Variants in GSG1L observed in about 807,000 individuals in gnomAD.
The protein encoded by GSG1L is germ cell-specific gene 1-like protein.
A neutral mutation model predicts 42.1 loss-of-function variants in GSG1L; 24 were observed. The ratio of observed to expected loss-of-function variants is 0.57; its 90% CI spans 0.41 to 0.80. The LOEUF (loss-of-function observed/expected upper bound fraction) is 0.80. Among genes scored for constraint, GSG1L ranks in the 30% least tolerant of loss-of-function variants. The probability of loss-of-function intolerance (pLI) is 0.00; values close to 1 mark genes in which losing one functional copy is unlikely to be tolerated. For missense variants in GSG1L, 445 were observed against 472.2 expected, an observed-to-expected ratio of 0.94 and a Z score of 0.53; for synonymous variants, 215 against 203.5, an observed-to-expected ratio of 1.06 and a Z score of -0.48.
At chr16:27,960,360 C>T (rs1167123200) in intron 2 of GSG1L, among the ~76,000 whole-genome samples, 2 of 152,098 alleles carry the variant, frequency 1.3e-5, no homozygotes, top group Non-Finnish European at 2.9e-5. Flanking sequence ...CAACGTGTGC[C>T]AAGTTCTCAG....
Position 27,952,210 on chromosome 16 carries a change from C to T in GSG1L, c.397+10946G>A, listed in dbSNP as rs1209403514. On this transcript the variant is annotated intron_variant, in intron 2 of 6. Coordinates refer to ENST00000447459, the MANE Select transcript of GSG1L (RefSeq NM_001109763.2). ...TTCACCCATTCATTTATTCAACAAACCTTTACTAAATTCTTGCTCTGTACA... is the reference window on the plus strand; with the variant it reads ...TTCACCCATTCATTTATTCAACAAATCTTTACTAAATTCTTGCTCTGTACA... Among the ~76,000 whole-genome samples the T allele has an allele frequency of 2.6e-5, 4 of 152,238 alleles. No homozygotes were observed. The East Asian group carries it at 7.7e-4, about 29-fold the overall frequency.
intron 2 of GSG1L, among the ~76,000 whole-genome samples, chr16:27,955,774 AGAGGG>A (rs1305330689): frequency 1.3e-5 from 2 of 152,040 alleles, no homozygotes; most frequent in Non-Finnish European, 2.9e-5. Context: ...CCAACATGAG[AGAGGG>A]GAGGAAATTT....
At chr16:27,979,585 A>G (rs572331858) in intron 1 of GSG1L, among the ~76,000 whole-genome samples, 7 of 143,630 alleles carry the variant, frequency 4.9e-5, no homozygotes, top group Non-Finnish European at 7.6e-5. Flanking sequence ...AAAAAAAGAA[A>G]GAAGGAAGGA....
intron 2 of GSG1L, among the ~76,000 whole-genome samples, chr16:27,924,317 GTGTA>G (rs1439706457): frequency 1.5e-5 from 2 of 131,106 alleles, no homozygotes; most frequent in Admixed American, 7.4e-5. Context: ...ATATGCATAC[GTGTA>G]TGTATGTGTG....
intron 1 of GSG1L, among the ~76,000 whole-genome samples, chr16:27,998,684 G>A (rs1294533873): frequency 6.6e-6 from 1 of 152,102 alleles, no homozygotes; most frequent in Non-Finnish European, 1.5e-5. Flanking sequence ...CTACCCGGGA[G>A]GCTGAAGCAG....
At chr16:27,844,870 C>T in intron 4 of GSG1L, 80 bp downstream of exon 4, 1 of 484,826 alleles carries the variant, frequency 2.1e-6, no homozygotes, top group South Asian at 3.2e-5. Context: ...CCCCCCACCC[C>T]ACTGGGCTGA....
intron 6 of GSG1L, among the ~76,000 whole-genome samples, chr16:27,794,035 G>C (rs2082789224): frequency 6.7e-6 from 1 of 148,746 alleles, no homozygotes; most frequent in Non-Finnish European, 1.5e-5. Flanking sequence ...GTTTGTTTGA[G>C]ATGGGGTCTC....
intron 3 of GSG1L, among the ~76,000 whole-genome samples, chr16:27,853,789 G>A (rs1000425356): frequency 6.6e-6 from 1 of 152,184 alleles, no homozygotes; most frequent in Admixed American, 6.5e-5. Context: ...CCCTGTGGCA[G>A]TGACTAGGCT....
At chr16:27,889,616 A>G (rs1325149722) in intron 2 of GSG1L, among the ~76,000 whole-genome samples, 1 of 152,176 alleles carries the variant, frequency 6.6e-6, no homozygotes, top group Non-Finnish European at 1.5e-5. Context: ...GCCGCCATCA[A>G]TGCATGACTG....
At chr16:27,979,661 A>AAGAAAGAAAGAAAGAGAGAGAG (rs368394279) in intron 1 of GSG1L, among the ~76,000 whole-genome samples, 1 of 67,696 alleles carries the variant, frequency 1.5e-5, no homozygotes, top group African/African-American at 6.5e-5. Flanking sequence ...GAAAGAAAGA[A>AAGAAAGAAAGAAAGAGAGAGAG]AGAGAGAGAG....
chr16:27,938,453 G>A (rs1057144500), intron 2 of GSG1L, among the ~76,000 whole-genome samples: 1 of 149,980 alleles, frequency 6.7e-6, no homozygotes, highest in African/African-American at 2.5e-5. Context: ...AAAATTCTAG[G>A]CTGCCCAAAG....
intron 1 of GSG1L, among the ~76,000 whole-genome samples, chr16:28,047,635 G>A (rs562038074): frequency 1.3e-5 from 2 of 152,120 alleles, no homozygotes; most frequent in African/African-American, 4.8e-5. Flanking sequence ...ACAAACGAAA[G>A]AAAGCAGGGA....
At chr16:27,890,505 G>C (rs1285612175) in intron 2 of GSG1L, among the ~76,000 whole-genome samples, 1 of 152,188 alleles carries the variant, frequency 6.6e-6, no homozygotes, top group Non-Finnish European at 1.5e-5. Flanking sequence ...CCTGGACTGT[G>C]GCCACAGTGG....
intron 2 of GSG1L, among the ~76,000 whole-genome samples, chr16:27,942,074 A>C (rs991343337): frequency 8.5e-5 from 13 of 152,130 alleles, no homozygotes; most frequent in Non-Finnish European, 1.2e-4. Context: ...ACTGAACTGT[A>C]CACTTAAAAA....
intron 5 of GSG1L, among the ~76,000 whole-genome samples, chr16:27,820,188 A>T (rs2083136435): frequency 6.6e-6 from 1 of 152,164 alleles, no homozygotes; most frequent in Non-Finnish European, 1.5e-5. Context: ...CCAAGTAGAA[A>T]CACCAAGGAA....
chr16:27,900,390 C>T (rs1055904151), intron 2 of GSG1L, among the ~76,000 whole-genome samples: 3 of 152,190 alleles, frequency 2.0e-5, no homozygotes, highest in African/African-American at 4.8e-5. Context: ...AGTCCCCATC[C>T]CAGGGCCATA....
intron 2 of GSG1L, among the ~76,000 whole-genome samples, chr16:27,944,936 G>A (rs1393298547): frequency 1.3e-5 from 2 of 151,740 alleles, no homozygotes; most frequent in African/African-American, 4.8e-5. Context: ...AATTAGACGG[G>A]CATCGTGGCG....
intron 3 of GSG1L, among the ~76,000 whole-genome samples, chr16:27,872,716 A>T (rs1567497991): frequency 6.6e-6 from 1 of 152,290 alleles, no homozygotes; most frequent in South Asian, 2.1e-4. Flanking sequence ...ACTGCTCATT[A>T]TATGCTAATT....
At chr16:27,942,832 C>T (rs1224626476) in intron 2 of GSG1L, among the ~76,000 whole-genome samples, 2 of 152,122 alleles carry the variant, frequency 1.3e-5, no homozygotes, top group Non-Finnish European at 2.9e-5. Flanking sequence ...AACTGGTACA[C>T]ACACTTTGCA....
Sources: gnomAD v4.1 joint callset for allele counts (sites outside exome capture counted in the v4.1 genomes callset) on GRCh38, gnomAD v4.1.1 for gene constraint, MANE v1.5 for transcripts, NCBI Gene and HGNC (gene_info 2026-07-23, HGNC 2026-07-21) for gene names.